Variants in FBXW11 observed in about 807,000 individuals in gnomAD.
The protein encoded by FBXW11 is F-box and WD repeat domain containing 11.
FBXW11 carries 19 observed loss-of-function variants against 77.6 expected under a neutral mutation model. The observed-to-expected ratio is 0.24, with a 90% CI of 0.17 to 0.36. FBXW11 has a LOEUF of 0.36. FBXW11 is among the 10% of genes least tolerant of loss of function. The pLI, the probability that FBXW11 is intolerant of heterozygous loss-of-function variation, is 1.00. For missense variants in FBXW11, 334 were observed against 704.2 expected, an observed-to-expected ratio of 0.47 and a Z score of 5.95; for synonymous variants, 235 against 249.4, an observed-to-expected ratio of 0.94 and a Z score of 0.54.
At chr5:171,955,482 A>G (rs1763559311) in intron 2 of FBXW11, among the ~76,000 whole-genome samples, 1 of 152,222 alleles carries the variant, frequency 6.6e-6, no homozygotes, top group Non-Finnish European at 1.5e-5. Flanking sequence ...CTTCTTTGAG[A>G]GCCCAAACCC....
At chr5:171,991,317 G>C (rs1215336871) in intron 1 of FBXW11, among the ~76,000 whole-genome samples, 1 of 152,090 alleles carries the variant, frequency 6.6e-6, no homozygotes, top group African/African-American at 2.4e-5. Context: ...AATAGCATAC[G>C]ACAAAAATAT....
chr5:171,893,644 T>A (rs1402965487), intron 6 of FBXW11, among the ~76,000 whole-genome samples: 1 of 152,054 alleles, frequency 6.6e-6, no homozygotes, highest in Non-Finnish European at 1.5e-5. Flanking sequence ...AAATGCTGAT[T>A]TAGTAGGCAG....
intron 1 of FBXW11, among the ~76,000 whole-genome samples, chr5:171,986,907 G>A (rs556215357): frequency 1.7e-4 from 26 of 152,272 alleles, no homozygotes; most frequent in South Asian, 1.2e-3. Context: ...GAGATGAGCA[G>A]GAGGCAAAGC....
chr5:171,964,949 G>A, intron 1 of FBXW11, among the ~76,000 whole-genome samples: 1 of 152,084 alleles, frequency 6.6e-6, no homozygotes, highest in East Asian at 1.9e-4. Flanking sequence ...CTAGAATTAT[G>A]TTCTTGTCAT....
At chr5:171,865,788 T>C (rs564928940) in intron 13 of FBXW11, among the ~76,000 whole-genome samples, 3 of 152,230 alleles carry the variant, frequency 2.0e-5, no homozygotes, top group Non-Finnish European at 4.4e-5. Flanking sequence ...TTACTAATTT[T>C]TTTAAAAACG....
chr5:171,914,316 A>G (rs974482311), intron 3 of FBXW11, 27 bp downstream of exon 3: 4 of 1,585,038 alleles, frequency 2.5e-6, no homozygotes, highest in Non-Finnish European at 3.4e-6. Context: ...GTCAGTTGCT[A>G]TCTAATCTGT....
At chr5:171,912,940 C>T (rs564156309) in intron 3 of FBXW11, among the ~76,000 whole-genome samples, 4 of 151,344 alleles carry the variant, frequency 2.6e-5, no homozygotes, top group African/African-American at 7.3e-5. Flanking sequence ...TTTATAGCAA[C>T]AGAACATGCT....
intron 2 of FBXW11, among the ~76,000 whole-genome samples, chr5:171,941,666 G>A (rs1173906325): frequency 6.6e-6 from 1 of 151,622 alleles, no homozygotes; most frequent in Admixed American, 6.6e-5. Context: ...GAAACAAAAG[G>A]TTCTGTGTGT....
At chr5:171,945,657 G>A (rs971712372) in intron 2 of FBXW11, among the ~76,000 whole-genome samples, 1 of 152,128 alleles carries the variant, frequency 6.6e-6, no homozygotes, top group South Asian at 2.1e-4. Context: ...GGTTCTCTGC[G>A]AAGCACTCAC....
At chr5:171,868,817 T>A in intron 12 of FBXW11, 21 bp from the exon 13 acceptor site, 1 of 1,601,776 alleles carries the variant, frequency 6.2e-7, no homozygotes, top group South Asian at 1.1e-5. Flanking sequence ...CAAAACTTCA[T>A]GAATAAAATG....
chr5:171,951,877 A>G (rs1268629662), intron 2 of FBXW11, among the ~76,000 whole-genome samples: 1 of 152,246 alleles, frequency 6.6e-6, no homozygotes, highest in East Asian at 1.9e-4. Flanking sequence ...AAATGCCCCA[A>G]GAAAAACAAA....
At chr5:171,948,087 T>A (rs1041924909) in intron 2 of FBXW11, among the ~76,000 whole-genome samples, 1 of 150,824 alleles carries the variant, frequency 6.6e-6, no homozygotes. Context: ...TACAAAAAAT[T>A]AGCTGGGCAT....
At chr5:171,964,610 A>G (rs1561728387) in intron 1 of FBXW11, among the ~76,000 whole-genome samples, 1 of 152,374 alleles carries the variant, frequency 6.6e-6, no homozygotes, top group Non-Finnish European at 1.5e-5. Context: ...GTAAGGACAA[A>G]GCATTCAGAA....
intron 2 of FBXW11, among the ~76,000 whole-genome samples, chr5:171,948,944 T>C (rs1763162004): frequency 6.6e-6 from 1 of 152,250 alleles, no homozygotes; most frequent in South Asian, 2.1e-4. Flanking sequence ...TAGTACTATA[T>C]GCAGGCATTG....
chr5:171,998,578 C>T (rs373850283), intron 1 of FBXW11, among the ~76,000 whole-genome samples: 2 of 151,634 alleles, frequency 1.3e-5, no homozygotes, highest in East Asian at 4.0e-4. Flanking sequence ...GGGCAGATCA[C>T]TTGAGGTCAG....
chr5:171,913,842 C>T (rs562425576), intron 3 of FBXW11, among the ~76,000 whole-genome samples: 1,645 of 150,368 alleles, frequency 0.011, 28 homozygotes, highest in Middle Eastern at 0.049. Context: ...CACACACACA[C>T]ACACACACAC....
At chr5:171,987,743 G>A (rs1007198681) in intron 1 of FBXW11, among the ~76,000 whole-genome samples, 2 of 152,050 alleles carry the variant, frequency 1.3e-5, no homozygotes, top group Non-Finnish European at 2.9e-5. Context: ...GTGAGCTACC[G>A]CGCCCGGCCA....
At chr5:171,910,227 G>A (rs964655506) in intron 4 of FBXW11, among the ~76,000 whole-genome samples, 46 of 151,540 alleles carry the variant, frequency 3.0e-4, no homozygotes, top group South Asian at 6.2e-4. Context: ...CACCACCCCC[G>A]GCTAATTTTT....
rs562338068 is a variant in FBXW11 at position 171,999,092 on chromosome 5, C to A, written c.45+7366G>T. Among the ~76,000 whole-genome samples, 59 of 152,162 alleles carry A rather than the reference C, an allele frequency of 3.9e-4. No homozygotes were observed. The South Asian group carries it at 4.1e-3, about 11-fold the overall frequency. ...AAGACTCACAACTTTAAGGAGATCACAAAAGTAAAATCCCAAGCAAATAAT... is the reference window on the plus strand; with the variant it reads ...AAGACTCACAACTTTAAGGAGATCAAAAAAGTAAAATCCCAAGCAAATAAT... On this transcript the variant is annotated intron_variant, in intron 1 of 13. Coordinates refer to ENST00000517395, the MANE Select transcript of FBXW11 (RefSeq NM_001378974.1).
Sources: gnomAD v4.1 joint callset for allele counts (sites outside exome capture counted in the v4.1 genomes callset) on GRCh38, gnomAD v4.1.1 for gene constraint, MANE v1.5 for transcripts, NCBI Gene and HGNC (gene_info 2026-07-23, HGNC 2026-07-21) for gene names.